The following SYNJ2 variants were observed in gnomAD, a reference collection of about 807,000 sequenced individuals.
The protein encoded by SYNJ2 is polyphosphatidylinositol phosphatase SYNJ2.
Under a neutral mutation model 141.3 loss-of-function variants are expected in SYNJ2, and 116 were observed. That is an observed-to-expected ratio of 0.82 (90% CI 0.71 to 0.96). The LOEUF is 0.96. SYNJ2 is among the 40% of genes least tolerant of loss of function. The pLI is 0.00. For synonymous variants in SYNJ2, 745 were observed against 777.7 expected (o/e 0.96, Z 0.70); for missense variants, 1,873 against 1,934.8 (o/e 0.97, Z 0.60).
intron 1 of SYNJ2, among the ~76,000 whole-genome samples, chr6:157,996,085 A>C (rs1777621730): frequency 6.6e-6 from 1 of 152,200 alleles, no homozygotes; most frequent in Admixed American, 6.5e-5. Flanking sequence ...GCCTGGTCTA[A>C]AATGTAACAG....
At position 158,026,050 on chromosome 6, in the gene SYNJ2, C is replaced by T. The variant is rs145970728; in HGVS notation, c.215-2706C>T. 5.8e-3 allele frequency among the ~76,000 whole-genome samples: 889 copies of T among 152,300 alleles called. 9 individuals carry two copies. Among genetic ancestry groups the T allele is most frequent in the Middle Eastern group, 0.017 (5 of 294 alleles). On this transcript the variant is annotated intron_variant, in intron 2 of 26. Transcript: ENST00000355585. ...GCAAACTAATCCGATTGGAAACTGC[C>T]GGACTTTGGGGCTAGATGGAGCATG...
intron 25 of SYNJ2, among the ~76,000 whole-genome samples, chr6:158,090,194 A>G (rs1397442376): frequency 2.6e-5 from 4 of 152,220 alleles, no homozygotes; most frequent in Non-Finnish European, 5.9e-5. Flanking sequence ...TCTAAAGGAG[A>G]GACCGAAAAA....
chr6:158,059,571 T>TA lies in SYNJ2; in HGVS notation c.954+220dup, dbSNP rs1182727691. The stretch of plus-strand genomic sequence containing the variant: ...AATTTCTTTTCTTTTTTTTTTTTTT[T>TA]AAGACAGAGTTTGGCTCTTGTCGCT... On this transcript the variant is annotated intron_variant, in intron 7 of 26. Transcript: ENST00000355585. The TA allele has an allele frequency of 7.3e-6, 9 of 1,233,460 alleles. No individual in the cohort carries two copies. The East Asian group carries it at 1.3e-4, about 17-fold the overall frequency. The allele number at this position is 1,233,460 out of a possible 1,614,324, so 76.4% of individuals were successfully genotyped here. A position where few individuals can be genotyped will look rare whatever the true frequency, so the allele number is the denominator to read the frequency against.
At chr6:158,076,257 G>C (rs1434576954) in intron 16 of SYNJ2, among the ~76,000 whole-genome samples, 1 of 152,170 alleles carries the variant, frequency 6.6e-6, no homozygotes, top group Non-Finnish European at 1.5e-5. Context: ...AACAAACATA[G>C]ATGAAGGCCT....
intron 7 of SYNJ2, among the ~76,000 whole-genome samples, chr6:158,060,560 C>G (rs969015111): frequency 1.4e-4 from 21 of 152,230 alleles, no homozygotes; most frequent in African/African-American, 5.1e-4. Flanking sequence ...CATGCTCATG[C>G]TCAGAGCAGG....
chr6:158,094,423 C>A (rs1299375209), intron 26 of SYNJ2, among the ~76,000 whole-genome samples: 2 of 144,636 alleles, frequency 1.4e-5, no homozygotes, highest in Non-Finnish European at 3.0e-5. Flanking sequence ...AAAAAACACC[C>A]ATCCAACACA....
chr6:158,071,613 T>C lies in SYNJ2; in HGVS notation c.1952T>C (p.Ile651Thr), dbSNP rs1220926481. 1.9e-6 allele frequency: 3 copies of C among 1,613,858 alleles called. No individual in the cohort carries two copies. The highest frequency in any genetic ancestry group is 2.2e-5 in the East Asian group (1 of 44,882). The stretch of plus-strand genomic sequence containing the variant: ...TCCTTCTGTTCCAGGGACGTAGCCA[T>C]CGACACAGTGAAGACGGGCATGGGG... ...YHVPFIRDVA[I>T]DTVKTGMGGK... Residue 651 changes from isoleucine to threonine, a missense_variant, in exon 15 of 27, where the codon ATC becomes ACC. Coordinates refer to ENST00000355585, the MANE Select transcript of SYNJ2 (RefSeq NM_003898.4). The surrounding 1 kb of genome is among the most constrained non-coding windows in gnomAD (Gnocchi z 4.3).
Position 158,071,824 on chromosome 6 carries a change from C to G in SYNJ2, c.2133+30C>G, listed in dbSNP as rs1781946976. 2.5e-6 allele frequency: 4 copies of G among 1,604,950 alleles called. No homozygotes were observed. Among genetic ancestry groups the G allele is most frequent in the Non-Finnish European group, 3.4e-6 (4 of 1,176,872 alleles). On this transcript the variant is annotated intron_variant, in intron 15 of 26. Transcript: ENST00000355585. This position sits in a 1 kb window ranked among gnomAD's most constrained non-coding sequence, Gnocchi z 4.3. Reference sequence around the variant, plus strand: ...GCGGCGCCGTGGGGACAGCCAGCACCTCCCTGCTCAGCTCAGTCCCAAATG... The same window carrying G: ...GCGGCGCCGTGGGGACAGCCAGCACGTCCCTGCTCAGCTCAGTCCCAAATG...
At chr6:158,012,546 G>T (rs1397708516) in intron 1 of SYNJ2, among the ~76,000 whole-genome samples, 1 of 152,228 alleles carries the variant, frequency 6.6e-6, no homozygotes, top group Non-Finnish European at 1.5e-5. Context: ...ATTCTGTCCT[G>T]CAGCCTTCGG....
chr6:158,086,088 C>A (rs1037827813), intron 22 of SYNJ2, among the ~76,000 whole-genome samples: 1 of 152,152 alleles, frequency 6.6e-6, no homozygotes, highest in Admixed American at 6.5e-5. Context: ...TCCCTTGATG[C>A]TGTGGGGTGT....
rs1781820063 is a variant in SYNJ2, at chr6:158,070,039, TCCC to T, written c.1940+367_1940+369del. The T allele has an allele frequency of 7.3e-6, 5 of 685,480 alleles. 1 individual carries two copies. The African/African-American group carries it at 9.6e-5, about 13-fold the overall frequency. The allele number at this position is 685,480 out of a possible 1,614,324, so 42.5% of individuals were successfully genotyped here. On this transcript the variant is annotated intron_variant, in intron 14 of 26. Coordinates refer to ENST00000355585, the MANE Select transcript of SYNJ2 (RefSeq NM_003898.4). This position sits in a 1 kb window ranked among gnomAD's most constrained non-coding sequence, Gnocchi z 4.0. ...TCACTGGGAAATGCCAACTCTTTTG[TCCC>T]TTTTTAAAAGAATTCTAAGTAGAAC...
chr6:158,042,566 ACTT>A (rs1165579208), intron 4 of SYNJ2, among the ~76,000 whole-genome samples: 1 of 152,224 alleles, frequency 6.6e-6, no homozygotes, highest in Non-Finnish European at 1.5e-5. Flanking sequence ...TCAGGATCGT[ACTT>A]CTTGTCCTTT....
intron 1 of SYNJ2, among the ~76,000 whole-genome samples, chr6:157,988,238 G>A (rs1777281349): frequency 6.6e-6 from 1 of 152,228 alleles, no homozygotes; most frequent in African/African-American, 2.4e-5. Context: ...GTGTGTGTAT[G>A]CACGAGGCTC....
At position 158,084,770 on chromosome 6, in the gene SYNJ2, C is replaced by T. The variant is rs78860639; in HGVS notation, c.3208+596C>T. 7.2e-4 allele frequency among the ~76,000 whole-genome samples: 110 copies of T among 152,090 alleles called. 1 individual carries two copies. In the East Asian group the frequency reaches 0.016, roughly 22 times the overall value. Reference sequence around the variant, plus strand: ...GAGGCTGCAATGAGCCGAGATCGCCCCACTGCACTCCAGCTTGGGTGACAA... The same window carrying T: ...GAGGCTGCAATGAGCCGAGATCGCCTCACTGCACTCCAGCTTGGGTGACAA... On this transcript the variant is annotated intron_variant, in intron 22 of 26. Coordinates refer to ENST00000355585, the MANE Select transcript of SYNJ2 (RefSeq NM_003898.4). This position sits in a 1 kb window ranked among gnomAD's most constrained non-coding sequence, Gnocchi z 5.0.
intron 2 of SYNJ2, chr6:158,028,416 T>G: frequency 3.4e-6 from 1 of 292,874 alleles, no homozygotes; most frequent in Non-Finnish European, 6.5e-6. Context: ...GCCAGGAATT[T>G]TCAGACTCCT....
chr6:158,048,564 C>T (rs1269093059), intron 5 of SYNJ2, among the ~76,000 whole-genome samples: 1 of 152,168 alleles, frequency 6.6e-6, no homozygotes, highest in African/African-American at 2.4e-5. Context: ...CTTGAAAAAT[C>T]CTGATACCCA....
In SYNJ2 at chr6:158,098,096, T is replaced by TAAATG. The variant is rs1414794579; in HGVS notation, c.*1742_*1746dup. On this transcript the variant is annotated 3_prime_UTR_variant, in exon 27 of 27. Transcript: ENST00000355585. ...ACATCGCTATTAACAGCCAGAGTCA[T>TAAATG]AAATGAAATGAAATTGAAGAATTCA... 6.6e-6 allele frequency: 1 copy of TAAATG among 152,024 alleles called. No homozygotes were observed. The highest frequency in any genetic ancestry group is 1.5e-5 in the Non-Finnish European group (1 of 68,020). The allele number at this position is 152,024 out of a possible 1,614,324, so 9.4% of individuals were successfully genotyped here.
rs1056285130 is a variant in SYNJ2, at chr6:157,982,338, AGAG to A, written c.127+253_127+255del. 3.3e-5 allele frequency among the ~76,000 whole-genome samples: 5 copies of A among 152,166 alleles called. No individual in the cohort carries two copies. Among genetic ancestry groups the A allele is most frequent in the Non-Finnish European group, 7.3e-5 (5 of 68,028 alleles). Reference sequence around the variant, plus strand: ...ACGGGGATCTCCGGCCCGCGCCGCCAGAGGATATGGTTGCTGGATAGCCGGCTG... The same window carrying A: ...ACGGGGATCTCCGGCCCGCGCCGCCAGATATGGTTGCTGGATAGCCGGCTG... On this transcript the variant is annotated intron_variant, in intron 1 of 26. Coordinates refer to ENST00000355585, the MANE Select transcript of SYNJ2 (RefSeq NM_003898.4). The surrounding 1 kb of genome is among the most constrained non-coding windows in gnomAD (Gnocchi z 4.0).
intron 1 of SYNJ2, among the ~76,000 whole-genome samples, chr6:157,991,105 G>C (rs979086736): frequency 6.6e-6 from 1 of 152,208 alleles, no homozygotes; most frequent in Admixed American, 6.5e-5. Context: ...ATCACAGATG[G>C]AGACTGCCTA....
Sources: gnomAD v4.1 joint callset for allele counts (sites outside exome capture counted in the v4.1 genomes callset) on GRCh38, gnomAD v4.1.1 for gene constraint, Gnocchi (gnomAD v3.1) non-coding constraint, MANE v1.5 for transcripts, NCBI Gene and HGNC (gene_info 2026-07-23, HGNC 2026-07-21) for gene names.